The following COL24A1 variants were observed in gnomAD, a reference collection of about 807,000 sequenced individuals.
The protein encoded by COL24A1 is collagen type XXIV alpha 1 chain, also known as collagen alpha-1(XXIV) chain.
A neutral mutation model predicts 253.9 loss-of-function variants in COL24A1; 224 were observed. The ratio of observed to expected loss-of-function variants is 0.88; its 90% confidence interval spans 0.79 to 0.99. COL24A1 has a LOEUF of 0.99. Ranked by LOEUF, COL24A1 falls within the 50% of genes least tolerant of loss-of-function variation. COL24A1 has a pLI of 0.00. For synonymous variants in COL24A1, 685 were observed against 673.7 expected, an observed-to-expected ratio of 1.02 and a Z score of -0.26; for missense variants, 2,131 against 2,068.5, an observed-to-expected ratio of 1.03 and a Z score of -0.59.
intron 35 of COL24A1, among the ~76,000 whole-genome samples, chr1:85,871,191 T>A (rs1223762566): frequency 6.6e-6 from 1 of 152,038 alleles, no homozygotes; most frequent in African/African-American, 2.4e-5. Flanking sequence ...GGCTCTAAAT[T>A]GAGTCAATAA....
intron 19 of COL24A1, among the ~76,000 whole-genome samples, chr1:85,994,122 G>A (rs1488527935): frequency 6.6e-6 from 1 of 151,806 alleles, no homozygotes; most frequent in Non-Finnish European, 1.5e-5. Context: ...TGGCTTAAAT[G>A]TATCTTCTGA....
At chr1:85,992,917 A>C (rs1402862338) in intron 19 of COL24A1, among the ~76,000 whole-genome samples, 1 of 152,178 alleles carries the variant, frequency 6.6e-6, no homozygotes, top group Admixed American at 6.5e-5. Flanking sequence ...AGCAGAAAAA[A>C]GAAGTAGTTT....
intron 12 of COL24A1, among the ~76,000 whole-genome samples, chr1:86,042,874 T>C (rs555791602): frequency 1.2e-4 from 19 of 152,242 alleles, no homozygotes; most frequent in African/African-American, 2.4e-4. Flanking sequence ...TATATGTATA[T>C]ATAATATAAG....
intron 3 of COL24A1, among the ~76,000 whole-genome samples, chr1:86,118,493 T>C (rs1284741799): frequency 2.0e-5 from 3 of 152,346 alleles, no homozygotes; most frequent in African/African-American, 7.2e-5. Context: ...AAGATAATAA[T>C]CCCTGGTCAG....
chr1:85,985,936 C>T (rs986964236), intron 20 of COL24A1, among the ~76,000 whole-genome samples: 2 of 151,742 alleles, frequency 1.3e-5, no homozygotes, highest in Non-Finnish European at 1.5e-5. Flanking sequence ...CAACAAATAA[C>T]TTCTATTATA....
chr1:85,833,361 C>G (rs1301950790), intron 43 of COL24A1, among the ~76,000 whole-genome samples: 5 of 152,042 alleles, frequency 3.3e-5, no homozygotes, highest in Non-Finnish European at 7.4e-5. Flanking sequence ...AAACACATGA[C>G]AAAATGCTCA....
At chr1:85,758,416 T>C (rs1666502113) in intron 55 of COL24A1, among the ~76,000 whole-genome samples, 1 of 152,150 alleles carries the variant, frequency 6.6e-6, no homozygotes, top group South Asian at 2.1e-4. Context: ...CACAGACACA[T>C]ATAGACACCC....
intron 24 of COL24A1, among the ~76,000 whole-genome samples, chr1:85,938,934 T>C (rs1444858040): frequency 3.9e-5 from 6 of 152,182 alleles, no homozygotes; most frequent in Admixed American, 2.0e-4. Flanking sequence ...GTGTCACAGA[T>C]TGACTTCTTC....
intron 28 of COL24A1, 109 bp from the exon 29 acceptor site, chr1:85,896,518 C>G: frequency 1.1e-6 from 1 of 872,620 alleles, no homozygotes. Flanking sequence ...TTTTTTGAGA[C>G]GGAGTCTCAC....
At chr1:85,994,075 C>A (rs953460017) in intron 19 of COL24A1, among the ~76,000 whole-genome samples, 1 of 151,944 alleles carries the variant, frequency 6.6e-6, no homozygotes, top group East Asian at 1.9e-4. Flanking sequence ...GATTTAATAT[C>A]CACTGTGCTT....
rs12734349 is a variant in COL24A1, at chr1:86,125,175, C to T, written c.1161G>A (p.Leu387=). The T allele has an allele frequency of 2.4e-3, 3,839 of 1,613,260 alleles. 8 individuals are homozygous for T. The highest frequency in any genetic ancestry group is 3.3e-3 in the Middle Eastern group (20 of 6,048). Residue 387 remains leucine, a synonymous_variant, in exon 3 of 60, where the codon CTG becomes CTA. Transcript: ENST00000370571. ...TAGATGGCATCTTCTTAAACAGTGA[C>T]AGACCAGTTACTCTATCATCATGTT... ...ITQHDDRVTG[L]SLFKKMPSIL... is the part of the protein sequence containing the mutation.
intron 12 of COL24A1, among the ~76,000 whole-genome samples, chr1:86,035,708 T>C (rs1195907006): frequency 2.0e-5 from 3 of 152,118 alleles, no homozygotes; most frequent in Admixed American, 2.0e-4. Flanking sequence ...ACTTTAAAGG[T>C]GAATTTTATG....
At chr1:86,091,829 A>G (rs1038765412) in intron 6 of COL24A1, among the ~76,000 whole-genome samples, 46 of 152,282 alleles carry the variant, frequency 3.0e-4, no homozygotes, top group African/African-American at 1.1e-3. Flanking sequence ...AAAACAAGAT[A>G]GTGGTGACCG....
intron 22 of COL24A1, among the ~76,000 whole-genome samples, chr1:85,966,407 C>T (rs188581678): frequency 1.4e-4 from 22 of 152,098 alleles, no homozygotes; most frequent in African/African-American, 1.9e-4. Context: ...TCTTTCTAAT[C>T]AGTAGAAAGA....
intron 1 of COL24A1, among the ~76,000 whole-genome samples, chr1:86,147,008 A>G (rs1452059905): frequency 3.3e-5 from 5 of 152,170 alleles, no homozygotes; most frequent in African/African-American, 1.2e-4. Context: ...ACAATACTTC[A>G]TTACCTAATT....
chr1:85,829,079 G>T (rs916616003), intron 43 of COL24A1, among the ~76,000 whole-genome samples: 21 of 151,866 alleles, frequency 1.4e-4, no homozygotes, highest in Non-Finnish European at 2.7e-4. Context: ...TCCTTTCCAT[G>T]TTTAGCGCTT....
At chr1:85,914,033 T>C (rs1685622370) in intron 24 of COL24A1, among the ~76,000 whole-genome samples, 1 of 151,824 alleles carries the variant, frequency 6.6e-6, no homozygotes, top group African/African-American at 2.4e-5. Context: ...AGAGCCCTCA[T>C]GACCTAATCA....
chr1:85,737,310 T>A, intron 58 of COL24A1, 86 bp downstream of exon 58: 2 of 723,328 alleles, frequency 2.8e-6, no homozygotes, highest in Non-Finnish European at 4.4e-6. Flanking sequence ...AAATTCATAA[T>A]TATTTAAAAT....
intron 45 of COL24A1, 150 bp from the exon 46 acceptor site, chr1:85,818,237 G>C: frequency 1.7e-6 from 1 of 579,986 alleles, no homozygotes; most frequent in South Asian, 2.6e-5. Context: ...TTTCCTGGGA[G>C]TCAGCTTCTT....
Sources: gnomAD v4.1 joint callset for allele counts (sites outside exome capture counted in the v4.1 genomes callset) on GRCh38, gnomAD v4.1.1 for gene constraint, MANE v1.5 for transcripts, NCBI Gene and HGNC (gene_info 2026-07-23, HGNC 2026-07-21) for gene names.